Variants in ZNF500 observed in about 807,000 individuals in gnomAD.
ZNF500 encodes zinc finger protein 500.
In ZNF500, 31 loss-of-function variants were observed where a neutral mutation model predicts 30.1. The ratio of observed to expected loss-of-function variants is 1.03; its 90% CI spans 0.77 to 1.39. The LOEUF is 1.39. ZNF500 is among the 40% of genes most tolerant of loss of function. The pLI is 0.00. For synonymous variants in ZNF500, 392 were observed against 282.0 expected, an observed-to-expected ratio of 1.39 and a Z score of -3.91; for missense variants, 817 against 657.8, an observed-to-expected ratio of 1.24 and a Z score of -2.65.
Position 4,765,823 on chromosome 16 carries a change from G to C in ZNF500, c.156C>G (p.Leu52=), listed in dbSNP as rs753087312. The part of the protein sequence containing the change: ...EDPSPETFRQ[L]FRLFCYQEVA... ...CCTCCTGGTAGCAGAAGAGCCGGAA[G>C]AGCTGGCGGAAAGTCTCAGGGCTGG... is the stretch of plus-strand genomic sequence containing the variant. The change falls in exon 2 of 6, where the codon CTC becomes CTG. Residue 52 remains leucine, a synonymous_variant. Transcript: ENST00000219478. 9.9e-6 allele frequency: 16 copies of C among 1,613,536 alleles called. No homozygotes were observed. In the East Asian group the frequency reaches 2.2e-4, roughly 22 times the overall value.
At position 4,765,689 on chromosome 16, in the gene ZNF500, TGCTCCAGCACCAGCA is replaced by T. The variant is rs537510417; in HGVS notation, c.275_289del (p.Leu92_Glu96del). 165 of 1,613,614 alleles carry T rather than the reference TGCTCCAGCACCAGCA, an allele frequency of 1.0e-4. No homozygotes were observed. In the African/African-American group the frequency reaches 2.0e-3, roughly 20 times the overall value. ...CTCCCCCGGCAGCACAGTCAGGAAC[TGCTCCAGCACCAGCA>T]GCTCCAGGATCTGCTCCTTGGTGCG... On this transcript the variant is annotated inframe_deletion, in exon 2 of 6. Coordinates refer to ENST00000219478, the MANE Select transcript of ZNF500 (RefSeq NM_021646.4).
chr16:4,760,753 G>A (rs541235261), intron 4 of ZNF500, among the ~76,000 whole-genome samples, 165 bp from the exon 5 acceptor site: 2 of 152,312 alleles, frequency 1.3e-5, no homozygotes, highest in East Asian at 1.9e-4. Context: ...GAGTCCTGGT[G>A]TCTCCGCCCA....
rs1269679165 is a variant in ZNF500, at chr16:4,751,617, G to A, written c.*759C>T. The A allele has an allele frequency of 2.6e-6, 4 of 1,535,210 alleles. No individual in the cohort carries two copies. The highest frequency in any genetic ancestry group is 1.7e-4 in the Middle Eastern group (1 of 5,908). On this transcript the variant is annotated 3_prime_UTR_variant, in exon 6 of 6. Transcript: ENST00000219478. Reference sequence around the variant, plus strand: ...AGCAGGGCTCCCTGCAGCAGACGAGGGGTCCCTCAAATTCATGTGCACCCA... The same window carrying A: ...AGCAGGGCTCCCTGCAGCAGACGAGAGGTCCCTCAAATTCATGTGCACCCA...
chr16:4,761,854 T>A (rs2082204781), intron 4 of ZNF500, among the ~76,000 whole-genome samples: 1 of 145,750 alleles, frequency 6.9e-6, no homozygotes, highest in Admixed American at 6.7e-5. Context: ...AGACTTTGGC[T>A]CAAAACAAAC....
chr16:4,765,412 A>G (rs1482355532), intron 2 of ZNF500, among the ~76,000 whole-genome samples, 153 bp downstream of exon 2: 1 of 152,200 alleles, frequency 6.6e-6, no homozygotes, highest in Non-Finnish European at 1.5e-5. Flanking sequence ...CCCATTAGCC[A>G]AGGCTGAGAA....
In ZNF500 at chr16:4,749,360, T is replaced by A. The variant is rs2082057029; in HGVS notation, c.*3016A>T. On this transcript the variant is annotated 3_prime_UTR_variant, in exon 6 of 6. Coordinates refer to ENST00000219478, the MANE Select transcript of ZNF500 (RefSeq NM_021646.4). ...TGCCAGTAACCTCACTGAGAATGTT[T>A]TACAGTGATGGAAAATAAACTCTGT... 1 of 154,460 alleles carries A rather than the reference T, an allele frequency of 6.5e-6. No homozygotes were observed. Among genetic ancestry groups the A allele is most frequent in the South Asian group, 2.0e-4 (1 of 4,924 alleles). The allele number at this position is 154,460 out of a possible 1,614,324, so 9.6% of individuals were successfully genotyped here.
In ZNF500 at chr16:4,762,623, G is replaced by C. The variant is rs1195539935; in HGVS notation, c.548C>G (p.Ala183Gly). The change falls in exon 3 of 6, where the codon GCC (alanine) becomes GGC (glycine). Residue 183 changes from alanine (A) to glycine (G), a missense_variant. Physicochemically the swap from Ala to Gly is moderately conservative, Grantham distance 60. Coordinates refer to ENST00000219478, the MANE Select transcript of ZNF500 (RefSeq NM_021646.4). Reference sequence around the variant, plus strand: ...CCTCTGTGGCCTGTGGCTCAGCTGGGCTGGGGGCTGCTGGCTGGAGAATCG... The same window carrying C: ...CCTCTGTGGCCTGTGGCTCAGCTGGCCTGGGGGCTGCTGGCTGGAGAATCG... ...EARFSSQQPP[A>G]QLSHRPQRGP... 6.2e-7 allele frequency: 1 copy of C among 1,613,968 alleles called. No homozygotes were observed. Among genetic ancestry groups the C allele is most frequent in the African/African-American group, 1.3e-5 (1 of 74,922 alleles).
intron 2 of ZNF500, among the ~76,000 whole-genome samples, chr16:4,763,319 A>G (rs1232111677): frequency 3.3e-5 from 5 of 151,886 alleles, no homozygotes; most frequent in Non-Finnish European, 7.4e-5. Flanking sequence ...GAATCGCTTG[A>G]ACTCGGGAAG....
At chr16:4,763,318 G>C (rs902074843) in intron 2 of ZNF500, among the ~76,000 whole-genome samples, 3 of 151,206 alleles carry the variant, frequency 2.0e-5, no homozygotes, top group Admixed American at 6.6e-5. Context: ...AGAATCGCTT[G>C]AACTCGGGAA....
chr16:4,762,405 C>G (rs1256352093), intron 3 of ZNF500, 70 bp from the exon 4 acceptor site: 2 of 1,538,682 alleles, frequency 1.3e-6, no homozygotes, highest in African/African-American at 2.7e-5. Context: ...CCCTGCACAC[C>G]AAGGCCCCAA....
intron 4 of ZNF500, among the ~76,000 whole-genome samples, chr16:4,761,130 C>T (rs1007518524): frequency 4.6e-5 from 7 of 151,962 alleles, no homozygotes; most frequent in African/African-American, 9.7e-5. Context: ...AGGGGGTTTT[C>T]GGGGAGGGTC....
At chr16:4,747,187 T>A (rs999862884), downstream of ZNF500, 47 of 1,227,850 alleles carry the variant, frequency 3.8e-5, no homozygotes, top group South Asian at 7.0e-4. Flanking sequence ...CCACGTCCAC[T>A]GGGTCCCAGC....
downstream of ZNF500, among the ~76,000 whole-genome samples, chr16:4,745,365 C>T (rs575657945): frequency 6.6e-6 from 1 of 152,298 alleles, no homozygotes; most frequent in South Asian, 2.1e-4. Flanking sequence ...GCTGATTGGT[C>T]CAGCTCTGGG....
downstream of ZNF500, chr16:4,747,663 C>T (rs765362637): frequency 3.3e-5 from 52 of 1,567,702 alleles, no homozygotes; most frequent in Admixed American, 4.3e-4. Flanking sequence ...TGGGCAGGGG[C>T]GGGCTGACTT....
Position 4,750,493 on chromosome 16 carries a change from A to C in ZNF500, c.*1883T>G, listed in dbSNP as rs954063317. On this transcript the variant is annotated 3_prime_UTR_variant, in exon 6 of 6. Coordinates refer to ENST00000219478, the MANE Select transcript of ZNF500 (RefSeq NM_021646.4). ...CAGGCACACCCCATCATGCCTGGCT[A>C]ATTTTTTTTTTTTTTGTGTGGAGTC... is the stretch of plus-strand genomic sequence containing the variant. 2 of 102,724 alleles carry C rather than the reference A, an allele frequency of 1.9e-5. No individual in the cohort carries two copies. Among genetic ancestry groups the C allele is most frequent in the Non-Finnish European group, 4.7e-5 (2 of 42,712 alleles). The allele number at this position is 102,724 out of a possible 1,614,324, so 6.4% of individuals were successfully genotyped here.
In ZNF500 at chr16:4,752,136, G is replaced by A. The variant is rs2082086071; in HGVS notation, c.*240C>T. The A allele has an allele frequency of 7.3e-7, 1 of 1,366,168 alleles. No homozygotes were observed. The highest frequency in any genetic ancestry group is 2.7e-5 in the East Asian group (1 of 36,942). The allele number at this position is 1,366,168 out of a possible 1,614,324, so 84.6% of individuals were successfully genotyped here. A position where few individuals can be genotyped will look rare whatever the true frequency, so the allele number is the denominator to read the frequency against. On this transcript the variant is annotated 3_prime_UTR_variant, in exon 6 of 6. Transcript: ENST00000219478. The stretch of plus-strand genomic sequence containing the variant: ...GTGTGTCTCTGTGGCTGAAGCCCCT[G>A]CTCTGTGTCACCTGTTCTGGCTGCC...
Position 4,750,484 on chromosome 16 carries a change from T to C in ZNF500, c.*1892A>G, listed in dbSNP as rs369079719. ...CTGGGACTACAGGCACACCCCATCA[T>C]GCCTGGCTAATTTTTTTTTTTTTTG... is the stretch of plus-strand genomic sequence containing the variant. On this transcript the variant is annotated 3_prime_UTR_variant, in exon 6 of 6. Transcript: ENST00000219478. The C allele has an allele frequency of 5.6e-5, 8 of 143,132 alleles. No homozygotes were observed. The highest frequency in any genetic ancestry group is 2.0e-4 in the African/African-American group (8 of 39,358). The allele number at this position is 143,132 out of a possible 1,614,324, so 8.9% of individuals were successfully genotyped here.
rs539230897 is a variant in ZNF500 at position 4,752,410 on chromosome 16, G to T, written c.1409C>A (p.Pro470Gln). The T allele has an allele frequency of 6.6e-7, 1 of 1,523,188 alleles. No homozygotes were observed. The highest frequency in any genetic ancestry group is 8.8e-7 in the Non-Finnish European group (1 of 1,138,424). The allele number at this position is 1,523,188 out of a possible 1,614,324, so 94.4% of individuals were successfully genotyped here. A position where few individuals can be genotyped will look rare whatever the true frequency, so the allele number is the denominator to read the frequency against. ...MGAGSLPTLQ[P>Q]VAPGGPGAKA ...GGCACCGGGGCCTCCAGGAGCCACC[G>T]GCTGGAGCGTCGGCAAGGAGCCTGC... Residue 470 changes from proline to glutamine, a missense_variant, in exon 6 of 6, where the codon CCG (proline) becomes CAG (glutamine). Coordinates refer to ENST00000219478, the MANE Select transcript of ZNF500 (RefSeq NM_021646.4).
At chr16:4,760,996 C>T (rs191043459) in intron 4 of ZNF500, among the ~76,000 whole-genome samples, 3 of 152,174 alleles carry the variant, frequency 2.0e-5, no homozygotes, top group South Asian at 2.1e-4. Context: ...CAGATTGACC[C>T]GGAAGCATGA....
Sources: gnomAD v4.1 joint callset for allele counts (sites outside exome capture counted in the v4.1 genomes callset) on GRCh38, gnomAD v4.1.1 for gene constraint, MANE v1.5 for transcripts, NCBI Gene and HGNC (gene_info 2026-07-23, HGNC 2026-07-21) for gene names.